The following CSMD1 variants were observed in gnomAD, a reference collection of about 807,000 sequenced individuals.
CSMD1 encodes CUB and Sushi multiple domains 1.
A neutral mutation model predicts 417.5 loss-of-function variants in CSMD1; 213 were observed. The observed-to-expected ratio is 0.51, with a 90% confidence interval of 0.46 to 0.57. CSMD1 has a LOEUF of 0.57. Among genes scored for constraint, CSMD1 ranks in the 20% least tolerant of loss-of-function variants. The pLI is 0.00. For synonymous variants in CSMD1, 2,862 were observed against 1,736.8 expected (o/e 1.65, Z -16.11); for missense variants, 6,923 against 4,529.7 (o/e 1.53, Z -15.17).
At chr8:4,684,072 T>C (rs976889021) in intron 1 of CSMD1, among the ~76,000 whole-genome samples, 1 of 152,314 alleles carries the variant, frequency 6.6e-6, no homozygotes, top group Admixed American at 6.5e-5. Context: ...AGAAGAACAT[T>C]TAAAAATCCA....
intron 25 of CSMD1, among the ~76,000 whole-genome samples, chr8:3,287,708 AC>A (rs1803262905): frequency 1.3e-5 from 2 of 152,166 alleles, no homozygotes; most frequent in African/African-American, 4.8e-5. Context: ...TGGGGCTGAG[AC>A]GATGGGGTTT....
At chr8:3,484,313 G>A (rs1035991508) in intron 11 of CSMD1, among the ~76,000 whole-genome samples, 20 of 152,172 alleles carry the variant, frequency 1.3e-4, no homozygotes, top group African/African-American at 4.1e-4. Context: ...GATGAAGGCA[G>A]AAAAGCAGTT....
chr8:4,322,220 T>A (rs1799308127), intron 3 of CSMD1, among the ~76,000 whole-genome samples: 1 of 152,240 alleles, frequency 6.6e-6, no homozygotes, highest in African/African-American at 2.4e-5. Flanking sequence ...ATATAGATAA[T>A]TCACATGTAA....
intron 4 of CSMD1, among the ~76,000 whole-genome samples, chr8:4,020,273 C>T (rs1020579035): frequency 6.6e-6 from 1 of 152,138 alleles, no homozygotes; most frequent in South Asian, 2.1e-4. Flanking sequence ...CTGGGATTTG[C>T]CCCAGGTGAC....
At chr8:3,426,996 G>C (rs1417663591) in intron 12 of CSMD1, among the ~76,000 whole-genome samples, 2 of 152,168 alleles carry the variant, frequency 1.3e-5, no homozygotes, top group Admixed American at 1.3e-4. Context: ...GCATGAAGGA[G>C]AGGAATGCAG....
At chr8:4,074,027 G>A (rs1413714665) in intron 3 of CSMD1, among the ~76,000 whole-genome samples, 1 of 151,974 alleles carries the variant, frequency 6.6e-6, no homozygotes, top group Non-Finnish European at 1.5e-5. Context: ...TGCATTTATT[G>A]CTTCTGCTTT....
At chr8:3,448,240 A>T (rs963534988) in intron 12 of CSMD1, among the ~76,000 whole-genome samples, 4 of 144,032 alleles carry the variant, frequency 2.8e-5, no homozygotes, top group African/African-American at 1.0e-4. Context: ...AAAAGGGAGA[A>T]GAGGATTGAT....
At chr8:4,134,111 A>G (rs1376167863) in intron 3 of CSMD1, among the ~76,000 whole-genome samples, 1 of 152,236 alleles carries the variant, frequency 6.6e-6, no homozygotes, top group Non-Finnish European at 1.5e-5. Flanking sequence ...TATTGCTGGT[A>G]TAAGAATATC....
intron 39 of CSMD1, among the ~76,000 whole-genome samples, chr8:3,152,136 G>C (rs951815982): frequency 1.1e-4 from 16 of 152,198 alleles, no homozygotes; most frequent in African/African-American, 3.9e-4. Context: ...GCAGCTAACT[G>C]CAACCACTTT....
At chr8:3,169,157 C>G (rs935319250) in intron 37 of CSMD1, among the ~76,000 whole-genome samples, 22 of 152,136 alleles carry the variant, frequency 1.4e-4, no homozygotes, top group African/African-American at 5.1e-4. Context: ...GACATAGCCT[C>G]TGCATTACAC....
At chr8:4,460,411 C>G (rs777192655) in intron 2 of CSMD1, among the ~76,000 whole-genome samples, 1 of 152,058 alleles carries the variant, frequency 6.6e-6, no homozygotes, top group Non-Finnish European at 1.5e-5. Context: ...GCCTCACCTT[C>G]CACCTCACTG....
At chr8:3,473,180 T>C (rs1817205917) in intron 11 of CSMD1, among the ~76,000 whole-genome samples, 1 of 152,220 alleles carries the variant, frequency 6.6e-6, no homozygotes, top group African/African-American at 2.4e-5. Flanking sequence ...TTAAGTTCTA[T>C]ACTGAACTTT....
chr8:3,770,962 T>C (rs1174068125), intron 5 of CSMD1, among the ~76,000 whole-genome samples: 2 of 152,068 alleles, frequency 1.3e-5, no homozygotes, highest in East Asian at 1.9e-4. Context: ...TAAGCAGAAA[T>C]TGCCCAGTGC....
intron 26 of CSMD1, among the ~76,000 whole-genome samples, chr8:3,272,382 T>C (rs1801933504): frequency 6.6e-6 from 1 of 150,756 alleles, no homozygotes. Context: ...CCAGCTTTGT[T>C]CTTTTGGCTC....
At chr8:3,926,042 CAA>C (rs1491442184) in intron 5 of CSMD1, among the ~76,000 whole-genome samples, 9 of 102,410 alleles carry the variant, frequency 8.8e-5, no homozygotes, top group South Asian at 5.6e-4. Flanking sequence ...CACACACACA[CAA>C]ACACCATATA....
intron 52 of CSMD1, among the ~76,000 whole-genome samples, chr8:3,015,634 C>T (rs1320649837): frequency 6.6e-6 from 1 of 151,968 alleles, no homozygotes; most frequent in Non-Finnish European, 1.5e-5. Flanking sequence ...TTACCAACTG[C>T]ATCTTTAGTA....
chr8:4,603,211 G>A (rs1203452104), intron 2 of CSMD1, among the ~76,000 whole-genome samples: 1 of 151,888 alleles, frequency 6.6e-6, no homozygotes, highest in Non-Finnish European at 1.5e-5. Context: ...GCACACCAAA[G>A]CAATAGAAGA....
chr8:3,358,726 A>G (rs1296950209), intron 21 of CSMD1, among the ~76,000 whole-genome samples: 3 of 152,160 alleles, frequency 2.0e-5, no homozygotes, highest in African/African-American at 7.2e-5. Flanking sequence ...CACTGACAAC[A>G]AAAACAAAAT....
chr8:4,470,704 A>G (rs1800479691), intron 2 of CSMD1, among the ~76,000 whole-genome samples: 1 of 152,220 alleles, frequency 6.6e-6, no homozygotes, highest in East Asian at 1.9e-4. Context: ...GAAAGAGTAA[A>G]GACAAAAAGA....
Sources: allele counts gnomAD v4.1 joint callset (sites outside exome capture counted in the v4.1 genomes callset), GRCh38; gene constraint gnomAD v4.1.1; transcripts MANE v1.5; gene names NCBI Gene and HGNC (gene_info 2026-07-23, HGNC 2026-07-21).